The following CSNK2A2IP variants were observed in gnomAD, a reference collection of about 807,000 sequenced individuals.
CSNK2A2IP encodes the protein casein kinase 2 subunit alpha' interacting protein.
At chr3:88,375,153 T>A in the CSNK2A2IP span, among the ~76,000 whole-genome samples, 1 of 151,752 alleles carries the variant, frequency 6.6e-6, no homozygotes, top group African/African-American at 2.4e-5. Flanking sequence ...ATGGTTCACT[T>A]ATTGCTCTAT....
the CSNK2A2IP span, among the ~76,000 whole-genome samples, chr3:88,430,551 C>T: frequency 6.6e-6 from 1 of 151,750 alleles, no homozygotes; most frequent in African/African-American, 2.4e-5. Flanking sequence ...AGAATATTTA[C>T]CAACATACTG....
the CSNK2A2IP span, among the ~76,000 whole-genome samples, chr3:88,386,440 C>A: frequency 6.6e-6 from 1 of 152,174 alleles, no homozygotes; most frequent in South Asian, 2.1e-4. Flanking sequence ...TACTCAATTT[C>A]TCATAAAGAA....
chr3:88,458,159 T>A, the CSNK2A2IP span, among the ~76,000 whole-genome samples: 1 of 140,028 alleles, frequency 7.1e-6, no homozygotes, highest in Non-Finnish European at 1.5e-5. Context: ...TTTTTTTTTT[T>A]TTTTTTTTTG....
the CSNK2A2IP span, among the ~76,000 whole-genome samples, chr3:88,356,851 G>T: frequency 6.6e-6 from 1 of 151,936 alleles, no homozygotes; most frequent in African/African-American, 2.4e-5. Context: ...GATGACTAAT[G>T]GTATTGAGCA....
At chr3:88,437,130 T>C in the CSNK2A2IP span, among the ~76,000 whole-genome samples, 1 of 152,180 alleles carries the variant, frequency 6.6e-6, no homozygotes, top group African/African-American at 2.4e-5. Flanking sequence ...TATCAAGCCA[T>C]AACTGCTCTG....
the CSNK2A2IP span, among the ~76,000 whole-genome samples, chr3:88,407,751 T>C: frequency 6.6e-6 from 1 of 151,610 alleles, no homozygotes; most frequent in Non-Finnish European, 1.5e-5. Flanking sequence ...TGAAATGGAG[T>C]CTTGCTCAGC....
At chr3:88,405,217 A>G in the CSNK2A2IP span, among the ~76,000 whole-genome samples, 1 of 152,090 alleles carries the variant, frequency 6.6e-6, no homozygotes, top group Non-Finnish European at 1.5e-5. Flanking sequence ...ACCTATCACC[A>G]TGTTCCCCCA....
chr3:88,444,070 T>C, the CSNK2A2IP span, among the ~76,000 whole-genome samples: 2 of 152,078 alleles, frequency 1.3e-5, no homozygotes, highest in African/African-American at 4.8e-5. Context: ...CATGGCTGTC[T>C]TTTATAGAAA....
At chr3:88,412,623 G>T in the CSNK2A2IP span, among the ~76,000 whole-genome samples, 1 of 151,998 alleles carries the variant, frequency 6.6e-6, no homozygotes, top group East Asian at 1.9e-4. Context: ...GACAAAATGT[G>T]ATAGAGATAC....
chr3:88,384,315 C>G, the CSNK2A2IP span, among the ~76,000 whole-genome samples: 33 of 151,920 alleles, frequency 2.2e-4, no homozygotes, highest in African/African-American at 7.2e-4. Flanking sequence ...AAGGGACTGA[C>G]TGACTTTCTT....
the CSNK2A2IP span, among the ~76,000 whole-genome samples, chr3:88,364,597 C>T: frequency 2.6e-5 from 4 of 151,926 alleles, no homozygotes; most frequent in Non-Finnish European, 4.4e-5. Flanking sequence ...ACTGGTAATA[C>T]ATGTTGTCGA....
the CSNK2A2IP span, among the ~76,000 whole-genome samples, chr3:88,439,086 T>C: frequency 6.6e-6 from 1 of 152,178 alleles, no homozygotes; most frequent in Admixed American, 6.5e-5. Flanking sequence ...AGATATGACA[T>C]CTTTTCCATG....
chr3:88,371,828 C>G, the CSNK2A2IP span, among the ~76,000 whole-genome samples: 471 of 151,642 alleles, frequency 3.1e-3, 1 homozygote, highest in African/African-American at 8.3e-3. Flanking sequence ...CAATTACATA[C>G]AGGGGACTAT....
chr3:88,412,083 G>A, the CSNK2A2IP span, among the ~76,000 whole-genome samples: 2 of 151,924 alleles, frequency 1.3e-5, no homozygotes, highest in African/African-American at 4.8e-5. Flanking sequence ...AATTAGGAGA[G>A]TTTGGTGTGA....
chr3:88,412,783 C>A, the CSNK2A2IP span, among the ~76,000 whole-genome samples: 1 of 151,950 alleles, frequency 6.6e-6, no homozygotes, highest in Non-Finnish European at 1.5e-5. Flanking sequence ...CAGCATGTTA[C>A]TGTTTTTAAT....
chr3:88,376,376 G>T, the CSNK2A2IP span, among the ~76,000 whole-genome samples: 8 of 151,688 alleles, frequency 5.3e-5, no homozygotes, highest in East Asian at 1.2e-3. Flanking sequence ...TTTGAGTGAG[G>T]TGAATGAATA....
At chr3:88,465,392 T>A in the CSNK2A2IP span, 5 of 1,231,540 alleles carry the variant, frequency 4.1e-6, no homozygotes, top group Admixed American at 4.2e-5. Flanking sequence ...CAACACTTTG[T>A]GCCATTAGAC....
At chr3:88,448,516 G>T in the CSNK2A2IP span, among the ~76,000 whole-genome samples, 1 of 152,180 alleles carries the variant, frequency 6.6e-6, no homozygotes, top group Admixed American at 6.5e-5. Flanking sequence ...TTCTTTTAAA[G>T]TATATAGGGA....
chr3:88,439,197 T>C, the CSNK2A2IP span, among the ~76,000 whole-genome samples: 3 of 152,320 alleles, frequency 2.0e-5, no homozygotes, highest in East Asian at 5.8e-4. Flanking sequence ...CACTGCCTTG[T>C]TACCAGTATT....
Sources: allele counts gnomAD v4.1 joint callset (sites outside exome capture counted in the v4.1 genomes callset), GRCh38; gene constraint gnomAD v4.1.1; transcripts MANE v1.5; gene names NCBI Gene and HGNC (gene_info 2026-07-23, HGNC 2026-07-21).